KNTC1: variants seen among roughly 807,000 people sequenced by gnomAD.
The protein encoded by KNTC1 is kinetochore associated 1.
A neutral mutation model predicts 314.4 loss-of-function variants in KNTC1; 253 were observed. The observed-to-expected ratio is 0.80, with a 90% CI of 0.73 to 0.89. The LOEUF (loss-of-function observed/expected upper bound fraction) is 0.89. Among genes scored for constraint, KNTC1 ranks in the 40% least tolerant of loss-of-function variants. The pLI is 0.00. For synonymous variants in KNTC1, 901 were observed against 901.4 expected, an observed-to-expected ratio of 1.00 and a Z score of 0.01; for missense variants, 2,475 against 2,572.9, an observed-to-expected ratio of 0.96 and a Z score of 0.82.
At chr12:122,572,120 G>A (rs7980407) in intron 24 of KNTC1, among the ~76,000 whole-genome samples, 14,363 of 152,092 alleles carry the variant, frequency 0.094, 760 homozygotes, top group Middle Eastern at 0.15. Flanking sequence ...GGCTGGGCAC[G>A]ATGGCTTACG....
intron 48 of KNTC1, 50 bp from the exon 49 acceptor site, chr12:122,604,514 T>TTA (rs1269695218): frequency 9.2e-7 from 1 of 1,082,536 alleles, no homozygotes; most frequent in South Asian, 1.6e-5. Context: ...CTTGAAAAGA[T>TTA]TAAGATTTGC....
At chr12:122,537,109 G>C (rs1961901453) in intron 3 of KNTC1, among the ~76,000 whole-genome samples, 1 of 152,120 alleles carries the variant, frequency 6.6e-6, no homozygotes, top group African/African-American at 2.4e-5. Context: ...TTTCTGTCTT[G>C]TCCCTTCCCT....
rs1873978137 is a variant in KNTC1, at chr12:122,618,227, C to T, written c.6031-116C>T. 4.8e-6 allele frequency: 4 copies of T among 842,064 alleles called. No individual in the cohort carries two copies. The East Asian group carries it at 1.1e-4, about 22-fold the overall frequency. 52.2% of individuals were successfully genotyped at this position (842,064 alleles called of 1,614,324 possible). A position where few individuals can be genotyped will look rare whatever the true frequency, so the allele number is the denominator to read the frequency against. On this transcript the variant is annotated intron_variant, in intron 57 of 63. Coordinates refer to ENST00000333479, the MANE Select transcript of KNTC1 (RefSeq NM_014708.6). ...CCTCAAGTGATTCACCTGCTTCAGC[C>T]TTTCAAAGTGCTGGGATTATAGGTG...
chr12:122,555,836 G>A (rs995766256), intron 16 of KNTC1, among the ~76,000 whole-genome samples: 2 of 151,962 alleles, frequency 1.3e-5, no homozygotes, highest in Non-Finnish European at 1.5e-5. Context: ...GCGACAGAGC[G>A]AGACTCTGTC....
chr12:122,604,427 A>T, intron 48 of KNTC1, 137 bp from the exon 49 acceptor site: 1 of 444,200 alleles, frequency 2.3e-6, no homozygotes, highest in East Asian at 4.3e-5. Flanking sequence ...GATTACAAAT[A>T]TGAGCCACTG....
chr12:122,612,572 C>T (rs562817707), intron 53 of KNTC1, among the ~76,000 whole-genome samples: 159 of 151,974 alleles, frequency 1.0e-3, no homozygotes, highest in African/African-American at 3.5e-3. Context: ...GCACGTGCTA[C>T]CACACCCGGC....
intron 36 of KNTC1, among the ~76,000 whole-genome samples, chr12:122,585,208 A>G (rs1478359313): frequency 6.6e-6 from 1 of 152,050 alleles, no homozygotes; most frequent in African/African-American, 2.4e-5. Flanking sequence ...CTAATTAAAA[A>G]AAAATTTTTT....
In KNTC1 at chr12:122,624,548, A is replaced by AC. The variant is rs770103373; in HGVS notation, c.6516-49dup. On this transcript the variant is annotated intron_variant, in intron 62 of 63. Coordinates refer to ENST00000333479, the MANE Select transcript of KNTC1 (RefSeq NM_014708.6). ...CTCCCTGAGTGCCGGGATTGTAGGC[A>AC]CAAGGCACTGTGCTTGGCCTAACAC... is the stretch of plus-strand genomic sequence containing the variant. 7 of 1,381,700 alleles carry AC rather than the reference A, an allele frequency of 5.1e-6. No homozygotes were observed. In the East Asian group the frequency reaches 1.4e-4, roughly 27 times the overall value. The allele number at this position is 1,381,700 out of a possible 1,614,324, so 85.6% of individuals were successfully genotyped here. A position where few individuals can be genotyped will look rare whatever the true frequency, so the allele number is the denominator to read the frequency against.
intron 11 of KNTC1, 33 bp downstream of exon 11, chr12:122,547,563 C>T: frequency 7.8e-7 from 1 of 1,278,752 alleles, no homozygotes; most frequent in Non-Finnish European, 1.1e-6. Context: ...AGTCATTTCC[C>T]TTCTGTTAGT....
At chr12:122,572,096 A>G (rs1210136781) in intron 24 of KNTC1, among the ~76,000 whole-genome samples, 3 of 152,182 alleles carry the variant, frequency 2.0e-5, no homozygotes, top group African/African-American at 2.4e-5. Context: ...CAATCCTTTG[A>G]AAAATTAAAT....
At chr12:122,582,655 A>T (rs2137989280) in intron 33 of KNTC1, 50 bp from the exon 34 acceptor site, 1 of 1,462,264 alleles carries the variant, frequency 6.8e-7, no homozygotes, top group African/African-American at 1.4e-5. Context: ...ATTATTTTAA[A>T]CAATAGATTA....
chr12:122,582,912 CAA>C lies in KNTC1; in HGVS notation c.3191_3192del (p.Gln1064ArgfsTer28). 4 of 1,613,606 alleles carry C rather than the reference CAA, an allele frequency of 2.5e-6. No homozygotes were observed. The highest frequency in any genetic ancestry group is 3.4e-6 in the Non-Finnish European group (4 of 1,179,750). Reference protein sequence around the residue: ...RQALALQMSKQELEAELTLRA... With the variant: ...RQALALQMSKXELEAELTLRA... ...GGCACTGGCCCTGCAGATGTCCAAA[CAA>C]GAGCTGGAGGCAGAGCTGACCTTGA... On this transcript the variant is annotated frameshift_variant, in exon 34 of 64. Transcript: ENST00000333479. LOFTEE classifies it high-confidence loss of function.
intron 45 of KNTC1, 46 bp downstream of exon 45, chr12:122,601,671 A>G (rs375699979): frequency 3.7e-5 from 52 of 1,423,116 alleles, no homozygotes; most frequent in Non-Finnish European, 4.4e-5. Flanking sequence ...TTCTGCTTTT[A>G]TTTGGATCAT....
intron 55 of KNTC1, among the ~76,000 whole-genome samples, chr12:122,614,584 AGAAG>A (rs993127644): frequency 1.3e-5 from 2 of 152,126 alleles, no homozygotes; most frequent in African/African-American, 4.8e-5. Context: ...TTCACAGATT[AGAAG>A]CATATTTTGT....
intron 16 of KNTC1, among the ~76,000 whole-genome samples, chr12:122,552,455 C>T (rs1411724996): frequency 6.6e-6 from 1 of 152,174 alleles, no homozygotes; most frequent in Non-Finnish European, 1.5e-5. Context: ...GCCTTGACCT[C>T]CCAGGCTCAA....
At chr12:122,538,257 T>G in intron 3 of KNTC1, 82 bp from the exon 4 acceptor site, 1 of 791,990 alleles carries the variant, frequency 1.3e-6, no homozygotes, top group East Asian at 2.7e-5. Context: ...GTTGGCTTTT[T>G]AATGAGAAAA....
intron 2 of KNTC1, among the ~76,000 whole-genome samples, chr12:122,534,224 A>G (rs1961604559): frequency 6.6e-6 from 1 of 152,200 alleles, no homozygotes. Flanking sequence ...CATCCCCACC[A>G]GGCTTCCCAC....
intron 49 of KNTC1, 114 bp from the exon 50 acceptor site, chr12:122,604,763 C>T: frequency 8.0e-7 from 1 of 1,249,102 alleles, no homozygotes; most frequent in African/African-American, 1.5e-5. Flanking sequence ...TATGTAGATG[C>T]TTAGGAACAT....
At chr12:122,611,158 TG>T (rs1289250937) in intron 53 of KNTC1, 1 of 457,082 alleles carries the variant, frequency 2.2e-6, no homozygotes, top group African/African-American at 2.0e-5. Context: ...GCATTCACAG[TG>T]GTTAACTCCC....
Sources: allele counts gnomAD v4.1 joint callset (sites outside exome capture counted in the v4.1 genomes callset), GRCh38; gene constraint gnomAD v4.1.1; transcripts MANE v1.5; gene names NCBI Gene and HGNC (gene_info 2026-07-23, HGNC 2026-07-21).